The following PCDH15 variants were observed in gnomAD, a reference collection of about 807,000 sequenced individuals.
PCDH15 encodes the protein protocadherin-15.
Under a neutral mutation model 178.5 loss-of-function variants are expected in PCDH15, and 129 were observed. The ratio of observed to expected loss-of-function variants is 0.72; its 90% CI spans 0.63 to 0.84. The LOEUF (loss-of-function observed/expected upper bound fraction) is 0.84. Among genes scored for constraint, PCDH15 ranks in the 40% least tolerant of loss-of-function variants. The probability of loss-of-function intolerance (pLI) is 0.00; values close to 1 mark genes in which losing one functional copy is unlikely to be tolerated. For synonymous variants in PCDH15, 800 were observed against 732.0 expected (o/e 1.09, Z -1.50); for missense variants, 2,230 against 2,099.9 (o/e 1.06, Z -1.21).
At chr10:54,537,291 G>T (rs2084682652) in intron 2 of PCDH15, among the ~76,000 whole-genome samples, 1 of 151,946 alleles carries the variant, frequency 6.6e-6, no homozygotes, top group South Asian at 2.1e-4. Context: ...GAGCCAACGC[G>T]ACCGGCCGCA....
intron 2 of PCDH15, among the ~76,000 whole-genome samples, chr10:55,165,545 G>A (rs1386847189): frequency 1.3e-5 from 2 of 151,724 alleles, no homozygotes; most frequent in Non-Finnish European, 2.9e-5. Context: ...GTATAAAATG[G>A]TAAAATTATT....
rs11462330 is a variant in PCDH15, at chr10:54,753,859, GT to G, written c.-29+47065del. The stretch of plus-strand genomic sequence containing the variant: ...GTATTACCCAAATCCTTTTTCTATT[GT>G]TTTTTTTTTGTTGTTGTTTTTTTGT... On this transcript the variant is annotated intron_variant, in intron 1 of 37. Transcript: ENST00000644397. Among the ~76,000 whole-genome samples, 51 of 92,610 alleles carry G rather than the reference GT, an allele frequency of 5.5e-4. 2 individuals carry two copies. Among genetic ancestry groups the G allele is most frequent in the South Asian group, 3.0e-4 (1 of 3,332 alleles). The allele number at this position is 92,610 out of a possible 152,430, so 60.8% of individuals were successfully genotyped here. A position where few individuals can be genotyped will look rare whatever the true frequency, so the allele number is the denominator to read the frequency against.
At chr10:54,277,371 G>A (rs546198282) in intron 8 of PCDH15, among the ~76,000 whole-genome samples, 5 of 151,592 alleles carry the variant, frequency 3.3e-5, no homozygotes, top group South Asian at 2.1e-4. Flanking sequence ...TACATCTTCC[G>A]CAGTGACAGG....
At chr10:55,198,471 A>G (rs1043779099) in intron 1 of PCDH15, among the ~76,000 whole-genome samples, 44 of 152,162 alleles carry the variant, frequency 2.9e-4, no homozygotes, top group African/African-American at 1.1e-3. Context: ...GCTGCTTTTA[A>G]AAAATAAGTT....
intron 8 of PCDH15, among the ~76,000 whole-genome samples, chr10:54,284,285 A>C (rs1257711045): frequency 6.6e-6 from 1 of 152,220 alleles, no homozygotes; most frequent in Non-Finnish European, 1.5e-5. Context: ...AATCAGAGAA[A>C]ACAAATTTGA....
intron 1 of PCDH15, among the ~76,000 whole-genome samples, chr10:54,676,741 T>A (rs2094797130): frequency 6.6e-6 from 1 of 152,200 alleles, no homozygotes; most frequent in Non-Finnish European, 1.5e-5. Context: ...AAAAGTCTAC[T>A]ATCTTACGAT....
chr10:54,796,246 C>T (rs1024426825), intron 1 of PCDH15, among the ~76,000 whole-genome samples: 2 of 102,174 alleles, frequency 2.0e-5, no homozygotes, highest in Non-Finnish European at 3.9e-5. Context: ...ATCTATCTAT[C>T]TATCTATCTA....
chr10:54,368,492 TA>T (rs1039318351), intron 5 of PCDH15, among the ~76,000 whole-genome samples: 2 of 150,926 alleles, frequency 1.3e-5, no homozygotes, highest in African/African-American at 2.4e-5. Context: ...AACCACGGTT[TA>T]AAAAAAAATA....
rs143618247 is a variant in PCDH15 at position 54,973,863 on chromosome 10, G to T, written c.-79-76363C>A. On this transcript the variant is annotated intron_variant, in intron 2 of 5. Transcript: ENST00000458638. ...ACACTATGTATTTGTAAGAGCAAAA[G>T]AATTATCTCTAATCATTAAACTCAT... 5.2e-3 allele frequency among the ~76,000 whole-genome samples: 790 copies of T among 151,844 alleles called. 2 individuals are homozygous for T. The highest frequency in any genetic ancestry group is 9.2e-3 in the Non-Finnish European group (623 of 67,928).
At chr10:55,582,602 A>ATATATATATATATATATG (rs1554800501) in intron 2 of PCDH15, among the ~76,000 whole-genome samples, 14 of 79,684 alleles carry the variant, frequency 1.8e-4, no homozygotes, top group African/African-American at 7.2e-4. Context: ...ATGTGTATAT[A>ATATATATATATATATATG]TATATATATA....
chr10:54,494,139 T>C (rs2079885615), intron 3 of PCDH15, among the ~76,000 whole-genome samples: 1 of 151,532 alleles, frequency 6.6e-6, no homozygotes, highest in African/African-American at 2.4e-5. Context: ...TAATGCTAAA[T>C]GACGAGTTAA....
chr10:54,615,111 G>C (rs1189388173), intron 2 of PCDH15, among the ~76,000 whole-genome samples: 5 of 151,974 alleles, frequency 3.3e-5, no homozygotes, highest in Non-Finnish European at 7.4e-5. Context: ...TACGCTGAAA[G>C]GTAGCTATTA....
At chr10:54,220,652 C>G (rs1174280744) in intron 9 of PCDH15, among the ~76,000 whole-genome samples, 1 of 151,910 alleles carries the variant, frequency 6.6e-6, no homozygotes, top group Non-Finnish European at 1.5e-5. Flanking sequence ...GGTGAAACCC[C>G]GTCTCTACTA....
At chr10:55,605,490 A>C (rs1222068669) in intron 2 of PCDH15, among the ~76,000 whole-genome samples, 2 of 150,696 alleles carry the variant, frequency 1.3e-5, no homozygotes, top group South Asian at 2.1e-4. Context: ...TGATGCAAAA[A>C]TCCTCAATAA....
intron 15 of PCDH15, among the ~76,000 whole-genome samples, chr10:54,127,592 G>T (rs190585864): frequency 6.6e-6 from 1 of 152,260 alleles, no homozygotes; most frequent in East Asian, 1.9e-4. Flanking sequence ...GAGTGAGGAA[G>T]GGCCAGCTGA....
At chr10:54,796,473 T>C (rs1377980267) in intron 1 of PCDH15, among the ~76,000 whole-genome samples, 1 of 151,782 alleles carries the variant, frequency 6.6e-6, no homozygotes, top group Non-Finnish European at 1.5e-5. Flanking sequence ...TCATTTTGAT[T>C]ATTATTTGTC....
intron 22 of PCDH15, among the ~76,000 whole-genome samples, chr10:53,960,948 T>G (rs1037323626): frequency 6.6e-6 from 1 of 152,196 alleles, no homozygotes; most frequent in Non-Finnish European, 1.5e-5. Context: ...TAATGCAAAT[T>G]ATTGTTTTAA....
chr10:54,267,584 TA>T (rs1202176852), intron 8 of PCDH15, among the ~76,000 whole-genome samples: 2 of 151,918 alleles, frequency 1.3e-5, no homozygotes, highest in Non-Finnish European at 2.9e-5. Flanking sequence ...AGTTTTAAGA[TA>T]GGCAATCAAC....
At chr10:54,199,698 G>C (rs1275694420) in intron 10 of PCDH15, among the ~76,000 whole-genome samples, 1 of 151,680 alleles carries the variant, frequency 6.6e-6, no homozygotes, top group East Asian at 1.9e-4. Flanking sequence ...GAATTATTCT[G>C]TTCCCCTGAA....
Sources: allele counts gnomAD v4.1 joint callset (sites outside exome capture counted in the v4.1 genomes callset), GRCh38; gene constraint gnomAD v4.1.1; transcripts MANE v1.5; gene names NCBI Gene and HGNC (gene_info 2026-07-23, HGNC 2026-07-21).